The following PTPRO variants were observed in gnomAD, a reference collection of about 807,000 sequenced individuals.
PTPRO encodes protein tyrosine phosphatase receptor type O.
PTPRO carries 62 observed loss-of-function variants against 145.2 expected under a neutral mutation model. The observed-to-expected ratio is 0.43, with a 90% CI of 0.35 to 0.53. PTPRO has a LOEUF of 0.53. PTPRO is among the 20% of genes least tolerant of loss of function. The pLI, the probability that PTPRO is intolerant of heterozygous loss-of-function variation, is 0.01. For synonymous variants in PTPRO, 565 were observed against 514.7 expected, an observed-to-expected ratio of 1.10 and a Z score of -1.32; for missense variants, 1,345 against 1,482.7, an observed-to-expected ratio of 0.91 and a Z score of 1.53.
chr12:15,509,376 A>G (rs1942388910), intron 7 of PTPRO, among the ~76,000 whole-genome samples: 1 of 16,882 alleles, frequency 5.9e-5, no homozygotes, highest in Admixed American at 9.6e-4. Flanking sequence ...TTCTTGCTGA[A>G]AAAAAAAAAA....
At chr12:15,475,812 G>T (rs1210308863) in intron 1 of PTPRO, among the ~76,000 whole-genome samples, 1 of 152,072 alleles carries the variant, frequency 6.6e-6, no homozygotes, top group Non-Finnish European at 1.5e-5. Flanking sequence ...CCAGTACTTA[G>T]CAGGCTGTGT....
At chr12:15,546,459 C>T (rs1265679880) in intron 12 of PTPRO, 110 bp from the exon 13 acceptor site, 4 of 1,526,694 alleles carry the variant, frequency 2.6e-6, no homozygotes, top group African/African-American at 1.4e-5. Context: ...CTTTATGGTG[C>T]TCTTACCTAC....
intron 1 of PTPRO, among the ~76,000 whole-genome samples, chr12:15,422,851 G>A (rs1370319852): frequency 6.6e-6 from 1 of 152,096 alleles, no homozygotes; most frequent in Admixed American, 6.5e-5. Flanking sequence ...AGAAGAAATG[G>A]ATTAAAGATG....
At chr12:15,449,869 G>T (rs1458894515) in intron 1 of PTPRO, among the ~76,000 whole-genome samples, 1 of 152,078 alleles carries the variant, frequency 6.6e-6, no homozygotes, top group Admixed American at 6.6e-5. Context: ...AAAATAAAAT[G>T]GTTCTGCCCC....
intron 1 of PTPRO, among the ~76,000 whole-genome samples, chr12:15,468,483 G>A (rs751277836): frequency 2.6e-5 from 4 of 152,172 alleles, no homozygotes; most frequent in Admixed American, 6.5e-5. Context: ...CACATTCACT[G>A]TCCTTAGGTC....
intron 1 of PTPRO, among the ~76,000 whole-genome samples, chr12:15,460,364 C>T (rs1209509924): frequency 6.6e-6 from 1 of 152,146 alleles, no homozygotes; most frequent in Non-Finnish European, 1.5e-5. Context: ...AAAAGCCCTA[C>T]TCTAAAGCAC....
intron 8 of PTPRO, among the ~76,000 whole-genome samples, chr12:15,515,953 G>GT (rs887019648): frequency 6.3e-4 from 66 of 104,480 alleles, no homozygotes; most frequent in African/African-American, 9.5e-4. Flanking sequence ...GAAGTTGTTT[G>GT]TTTTTTTTGT....
chr12:15,456,637 C>G (rs984851000), intron 1 of PTPRO, among the ~76,000 whole-genome samples: 1 of 152,076 alleles, frequency 6.6e-6, no homozygotes, highest in African/African-American at 2.4e-5. Context: ...ATTCAATGTC[C>G]TTACTAGTTA....
intron 12 of PTPRO, among the ~76,000 whole-genome samples, chr12:15,535,166 A>T (rs1215814334): frequency 6.6e-6 from 1 of 152,182 alleles, no homozygotes; most frequent in Non-Finnish European, 1.5e-5. Context: ...AGAATCAAGG[A>T]TTCTTCTTTG....
rs1044441708 is a variant in PTPRO, at chr12:15,386,333, A to G, written c.75+63532A>G. Reference sequence around the variant, plus strand: ...GAGGCTACCAAAACTGATCACTCATATTTGAAAAAGAACAAAAAATAACTT... The same window carrying G: ...GAGGCTACCAAAACTGATCACTCATGTTTGAAAAAGAACAAAAAATAACTT... On this transcript the variant is annotated intron_variant, in intron 1 of 26. Coordinates refer to ENST00000281171, the MANE Select transcript of PTPRO (RefSeq NM_030667.3). Among the ~76,000 whole-genome samples, 4 of 152,222 alleles carry G rather than the reference A, an allele frequency of 2.6e-5. No homozygotes were observed. The South Asian group carries it at 6.2e-4, about 24-fold the overall frequency.
chr12:15,451,004 A>G (rs1426543227), intron 1 of PTPRO, among the ~76,000 whole-genome samples: 1 of 152,128 alleles, frequency 6.6e-6, no homozygotes, highest in Non-Finnish European at 1.5e-5. Flanking sequence ...ATTGAATGTA[A>G]ACAGCCTAAA....
chr12:15,580,807 C>T lies in PTPRO; in HGVS notation c.3108C>T (p.Leu1036=). 1.2e-6 allele frequency: 2 copies of T among 1,613,956 alleles called. No individual in the cohort carries two copies. Among genetic ancestry groups the T allele is most frequent in the African/African-American group, 2.7e-5 (2 of 75,028 alleles). The change falls in exon 22 of 27, where the codon CTC becomes CTT. Residue 1036 remains leucine, a synonymous_variant. Coordinates refer to ENST00000281171, the MANE Select transcript of PTPRO (RefSeq NM_030667.3). ...AAAAGTCTCAGATTATTGTCATGCT[C>T]ACTCAGTGTAATGAGAAAAGGAGGG... The part of the protein sequence containing the change: ...LQQKSQIIVM[L]TQCNEKRRVK...
chr12:15,326,191 T>G (rs998370670), intron 1 of PTPRO, among the ~76,000 whole-genome samples: 15 of 152,344 alleles, frequency 9.8e-5, no homozygotes, highest in African/African-American at 3.1e-4. Context: ...AATTGCACAG[T>G]GTTGGCAGGT....
intron 1 of PTPRO, among the ~76,000 whole-genome samples, chr12:15,471,829 C>A (rs1941549064): frequency 6.6e-6 from 1 of 152,178 alleles, no homozygotes; most frequent in East Asian, 1.9e-4. Context: ...TTGAGATCAA[C>A]AGCCAAAATC....
chr12:15,487,690 A>G (rs778877344), intron 2 of PTPRO, among the ~76,000 whole-genome samples: 13 of 151,876 alleles, frequency 8.6e-5, no homozygotes, highest in Non-Finnish European at 1.3e-4. Flanking sequence ...GAGACAGTAG[A>G]CTCTGTTTGT....
intron 2 of PTPRO, among the ~76,000 whole-genome samples, chr12:15,496,504 G>T (rs2136460796): frequency 6.6e-6 from 1 of 152,232 alleles, no homozygotes; most frequent in East Asian, 1.9e-4. Context: ...TTAGAAAGGT[G>T]CAAAATGCAT....
intron 2 of PTPRO, among the ~76,000 whole-genome samples, chr12:15,496,077 T>C (rs1403859629): frequency 6.6e-6 from 1 of 151,970 alleles, no homozygotes; most frequent in Non-Finnish European, 1.5e-5. Context: ...CAGATCACAG[T>C]TACGTCTTTT....
intron 1 of PTPRO, among the ~76,000 whole-genome samples, chr12:15,402,724 TG>T (rs1465965771): frequency 6.6e-6 from 1 of 152,212 alleles, no homozygotes; most frequent in Non-Finnish European, 1.5e-5. Context: ...GTTATTTCAC[TG>T]ACACCAAGCA....
intron 1 of PTPRO, among the ~76,000 whole-genome samples, chr12:15,478,095 C>T (rs1043871982): frequency 2.0e-5 from 3 of 152,160 alleles, no homozygotes; most frequent in Non-Finnish European, 4.4e-5. Context: ...TGATTCGACA[C>T]CCCCTTGGGA....
Sources: gnomAD v4.1 joint callset for allele counts (sites outside exome capture counted in the v4.1 genomes callset) on GRCh38, gnomAD v4.1.1 for gene constraint, MANE v1.5 for transcripts, NCBI Gene and HGNC (gene_info 2026-07-23, HGNC 2026-07-21) for gene names.